Variants in PTPRG observed in about 807,000 individuals in gnomAD.
The protein encoded by PTPRG is receptor-type tyrosine-protein phosphatase gamma.
In PTPRG, 102 loss-of-function variants were observed where a neutral mutation model predicts 165.3. The ratio of observed to expected loss-of-function variants is 0.62; its 90% confidence interval spans 0.53 to 0.73. PTPRG has a LOEUF of 0.73. Ranked by LOEUF, PTPRG falls within the 30% of genes least tolerant of loss-of-function variation. The pLI, the probability that PTPRG is intolerant of heterozygous loss-of-function variation, is 0.00. For synonymous variants in PTPRG, 675 were observed against 669.5 expected, an observed-to-expected ratio of 1.01 and a Z score of -0.13; for missense variants, 1,866 against 1,861.4, an observed-to-expected ratio of 1.00 and a Z score of -0.05.
At chr3:62,151,007 A>G (rs1453700963) in intron 6 of PTPRG, among the ~76,000 whole-genome samples, 1 of 152,218 alleles carries the variant, frequency 6.6e-6, no homozygotes, top group African/African-American at 2.4e-5. Flanking sequence ...ATATTAGGCT[A>G]TTAACATACC....
chr3:62,102,383 T>C (rs1217920656), intron 5 of PTPRG, among the ~76,000 whole-genome samples: 1 of 152,160 alleles, frequency 6.6e-6, no homozygotes, highest in Non-Finnish European at 1.5e-5. Flanking sequence ...CAAGCAGTTC[T>C]TCTGCCTCAG....
rs1295178478 is a variant in PTPRG at position 61,562,010 on chromosome 3, C to T, written c.-278C>T. ...GCCGGCCGCCGACTCCGCGCCCTGC[C>T]CGATCGGCTCTCTCCTTTTTAAACG... On this transcript the variant is annotated 5_prime_UTR_variant, in exon 1 of 30. Coordinates refer to ENST00000474889, the MANE Select transcript of PTPRG (RefSeq NM_002841.4). The T allele has an allele frequency of 3.1e-6, 1 of 319,708 alleles. No individual in the cohort carries two copies. Among genetic ancestry groups the T allele is most frequent in the African/African-American group, 2.2e-5 (1 of 45,498 alleles). 19.8% of individuals were successfully genotyped at this position (319,708 alleles called of 1,614,324 possible). A position where few individuals can be genotyped will look rare whatever the true frequency, so the allele number is the denominator to read the frequency against.
intron 8 of PTPRG, among the ~76,000 whole-genome samples, chr3:62,172,336 A>G (rs905402077): frequency 7.9e-5 from 12 of 152,226 alleles, no homozygotes; most frequent in African/African-American, 2.4e-4. Flanking sequence ...CTATTTTCCA[A>G]AGTGGTGGCA....
At chr3:61,926,918 GA>G (rs947087785) in intron 2 of PTPRG, among the ~76,000 whole-genome samples, 33 of 151,418 alleles carry the variant, frequency 2.2e-4, no homozygotes, top group African/African-American at 7.5e-4. Flanking sequence ...AGTTCGGGGG[GA>G]AGAAAAAAAA....
At chr3:61,808,196 A>G (rs2035472529) in intron 2 of PTPRG, among the ~76,000 whole-genome samples, 1 of 152,242 alleles carries the variant, frequency 6.6e-6, no homozygotes, top group African/African-American at 2.4e-5. Context: ...ATCATCTGGA[A>G]CTTTTTAAAA....
chr3:62,273,154 A>G lies in PTPRG; in HGVS notation c.3318+73A>G. On this transcript the variant is annotated intron_variant, in intron 22 of 29. Coordinates refer to ENST00000474889, the MANE Select transcript of PTPRG (RefSeq NM_002841.4). This position sits in a 1 kb window ranked among gnomAD's most constrained non-coding sequence, Gnocchi z 4.1. ...AACTGAAATTTGTTAAATGATAATGAAGAGACAGATTCATTCTTTTAGGGC... is the reference window on the plus strand; with the variant it reads ...AACTGAAATTTGTTAAATGATAATGGAGAGACAGATTCATTCTTTTAGGGC... 11 of 1,467,286 alleles carry G rather than the reference A, an allele frequency of 7.5e-6. No homozygotes were observed. Among genetic ancestry groups the G allele is most frequent in the Non-Finnish European group, 1.0e-5 (11 of 1,092,972 alleles). 90.9% of individuals were successfully genotyped at this position (1,467,286 alleles called of 1,614,324 possible).
At chr3:62,182,999 G>A (rs1220455770) in intron 8 of PTPRG, among the ~76,000 whole-genome samples, 4 of 152,324 alleles carry the variant, frequency 2.6e-5, no homozygotes, top group East Asian at 3.9e-4. Context: ...GTCAGTCCAC[G>A]TGCATTTGTG....
At chr3:62,110,115 A>G (rs1415623719) in intron 5 of PTPRG, among the ~76,000 whole-genome samples, 4 of 46,898 alleles carry the variant, frequency 8.5e-5, no homozygotes, top group African/African-American at 3.5e-4. Context: ...TTTTTTTTGC[A>G]GTAGCTTTTC....
At chr3:62,000,604 G>C (rs990362523) in intron 3 of PTPRG, among the ~76,000 whole-genome samples, 3 of 152,138 alleles carry the variant, frequency 2.0e-5, no homozygotes, top group African/African-American at 7.2e-5. Flanking sequence ...ACCGACAGAG[G>C]TAGATGCCAT....
intron 2 of PTPRG, among the ~76,000 whole-genome samples, chr3:61,922,908 T>C (rs1394837018): frequency 1.3e-5 from 2 of 152,166 alleles, no homozygotes; most frequent in Non-Finnish European, 2.9e-5. Context: ...CGCAAAGTGT[T>C]GGGGTTACAA....
chr3:61,734,007 G>T (rs546333246), intron 1 of PTPRG, among the ~76,000 whole-genome samples: 1 of 152,222 alleles, frequency 6.6e-6, no homozygotes, highest in South Asian at 2.1e-4. Context: ...TGTTTCCCAA[G>T]CTGAGCTCAA....
intron 1 of PTPRG, among the ~76,000 whole-genome samples, chr3:61,684,246 G>T (rs1372546042): frequency 6.6e-6 from 1 of 152,144 alleles, no homozygotes; most frequent in East Asian, 1.9e-4. Context: ...TGATGGTGGG[G>T]GATCTCACCT....
chr3:62,013,006 C>A (rs2107741659), intron 4 of PTPRG, among the ~76,000 whole-genome samples: 1 of 152,158 alleles, frequency 6.6e-6, no homozygotes, highest in Admixed American at 6.5e-5. Flanking sequence ...TACATTGTCA[C>A]TTTAAATTTT....
intron 2 of PTPRG, among the ~76,000 whole-genome samples, chr3:61,898,566 C>T (rs562894244): frequency 6.6e-6 from 1 of 152,258 alleles, no homozygotes; most frequent in African/African-American, 2.4e-5. Context: ...ATATTTAAAC[C>T]TAGCTTTTCT....
chr3:61,679,816 C>G (rs982821279), intron 1 of PTPRG, among the ~76,000 whole-genome samples: 2 of 152,026 alleles, frequency 1.3e-5, no homozygotes, highest in Non-Finnish European at 2.9e-5. Context: ...AAAAACCCCA[C>G]AATCCAGTGA....
intron 1 of PTPRG, chr3:61,659,224 T>G: frequency 1.3e-6 from 1 of 789,946 alleles, no homozygotes; most frequent in Non-Finnish European, 1.5e-6. Context: ...TCCATAGCCG[T>G]CAGCCTGAAT....
intron 2 of PTPRG, among the ~76,000 whole-genome samples, chr3:61,792,649 A>T (rs1001292208): frequency 6.6e-6 from 1 of 151,692 alleles, no homozygotes; most frequent in Admixed American, 6.6e-5. Context: ...TCCCATGGAA[A>T]ACATAACTTT....
At chr3:61,831,411 A>G (rs993117747) in intron 2 of PTPRG, among the ~76,000 whole-genome samples, 4 of 152,250 alleles carry the variant, frequency 2.6e-5, no homozygotes, top group African/African-American at 9.6e-5. Flanking sequence ...TTATAAATAT[A>G]CCACACACAG....
At chr3:61,752,085 C>G (rs1033299098) in intron 2 of PTPRG, among the ~76,000 whole-genome samples, 6 of 152,036 alleles carry the variant, frequency 3.9e-5, no homozygotes, top group Non-Finnish European at 8.8e-5. Flanking sequence ...GTTATTATTA[C>G]TTTTGCTGCA....
Sources: allele counts gnomAD v4.1 joint callset (sites outside exome capture counted in the v4.1 genomes callset), GRCh38; gene constraint gnomAD v4.1.1; non-coding constraint Gnocchi (gnomAD v3.1); transcripts MANE v1.5; gene names NCBI Gene and HGNC (gene_info 2026-07-23, HGNC 2026-07-21).